The following ROBO3 variants were observed in gnomAD, a reference collection of about 807,000 sequenced individuals.
ROBO3 encodes roundabout homolog 3.
In ROBO3, 97 loss-of-function variants were observed where a neutral mutation model predicts 160.5. The ratio of observed to expected loss-of-function variants is 0.60; its 90% CI spans 0.51 to 0.72. ROBO3 has a LOEUF of 0.72. Ranked by LOEUF, ROBO3 falls within the 30% of genes least tolerant of loss-of-function variation. The probability of loss-of-function intolerance (pLI) is 0.00; values close to 1 mark genes in which losing one functional copy is unlikely to be tolerated. For missense variants in ROBO3, 1,858 were observed against 1,846.5 expected (o/e 1.01, Z -0.11); for synonymous variants, 780 against 746.2 (o/e 1.05, Z -0.74).
intron 20 of ROBO3, 97 bp from the exon 21 acceptor site, chr11:124,877,840 G>A (rs746459682): frequency 8.5e-7 from 1 of 1,169,976 alleles, no homozygotes; most frequent in Non-Finnish European, 1.2e-6. Flanking sequence ...TTGTGTGGGG[G>A]AAGAAGTTGA....
chr11:124,869,480 G>T lies in ROBO3; in HGVS notation c.518G>T (p.Gly173Val). ...VLRDDFRQSP[G>V]NVVVAVGEPA... ...CGTGATGATTTCCGGCAGTCTCCTG[G>T]AAACGTGGTGGTGGCAGTGGGGGAG... The change falls in exon 3 of 28, where the codon GGA becomes GTA. Residue 173 changes from glycine to valine, a missense_variant. Physicochemically the swap from Gly to Val is moderately radical, Grantham distance 109 (BLOSUM62 -3). Transcript: ENST00000397801. This position sits in a 1 kb window ranked among gnomAD's most constrained non-coding sequence, Gnocchi z 4.2. 6.4e-7 allele frequency: 1 copy of T among 1,554,066 alleles called. No individual in the cohort carries two copies. The highest frequency in any genetic ancestry group is 1.2e-5 in the South Asian group (1 of 84,416).
At position 124,877,583 on chromosome 11, in the gene ROBO3, C is replaced by G. The variant is rs773518044; in HGVS notation, c.2911C>G (p.Arg971Gly). ...GGCAGATTCGTGGCCCCACCCATCTCGAAGCCCCTCGGCCCAGGAACCCAG... is the reference window on the plus strand; with the variant it reads ...GGCAGATTCGTGGCCCCACCCATCTGGAAGCCCCTCGGCCCAGGAACCCAG... ...WLADSWPHPS[R>G]SPSAQEPRGS... The change falls in exon 20 of 28, where the codon CGA becomes GGA. Residue 971 changes from arginine to glycine, a missense_variant. By Grantham distance (125) the Arg-to-Gly change is moderately radical (BLOSUM62 -2). Coordinates refer to ENST00000397801, the MANE Select transcript of ROBO3 (RefSeq NM_022370.4). The G allele has an allele frequency of 4.4e-6, 7 of 1,604,978 alleles. No homozygotes were observed. In the South Asian group the frequency reaches 6.7e-5, roughly 15 times the overall value.
chr11:124,867,209 G>A (rs1052139606), intron 1 of ROBO3, among the ~76,000 whole-genome samples: 1 of 152,180 alleles, frequency 6.6e-6, no homozygotes, highest in Non-Finnish European at 1.5e-5. Flanking sequence ...ATTTGATTCA[G>A]GTAGAGACTG....
rs1382529597 is a variant in ROBO3, at chr11:124,878,731, T to A, written c.3468T>A (p.Leu1156=). ...PSYGQQSTAT[L]TPSPPDPPQP... is the part of the protein sequence containing the mutation. ...ATGGACAGCAGTCCACAGCCACTCT[T>A]ACACCCTCACCTCCTGACCCTCCCC... is the stretch of plus-strand genomic sequence containing the variant. Residue 1156 remains leucine (L), a synonymous_variant, in exon 23 of 28, where the codon CTT becomes CTA. Coordinates refer to ENST00000397801, the MANE Select transcript of ROBO3 (RefSeq NM_022370.4). This position sits in a 1 kb window ranked among gnomAD's most constrained non-coding sequence, Gnocchi z 4.3. 6.2e-7 allele frequency: 1 copy of A among 1,613,824 alleles called. No homozygotes were observed. Among genetic ancestry groups the A allele is most frequent in the Non-Finnish European group, 8.5e-7 (1 of 1,179,848 alleles).
intron 1 of ROBO3, chr11:124,868,344 G>A (rs1946229948): frequency 6.4e-6 from 2 of 314,482 alleles, no homozygotes; most frequent in South Asian, 9.8e-5. Context: ...GGACCTTGCA[G>A]AAGTCAAGAA....
chr11:124,872,345 C>T lies in ROBO3; in HGVS notation c.1159-36C>T, dbSNP rs1371215484. ...GGACCTCTCCCTGCCCAGCTGCCTG[C>T]TCATTCCCTACCCTGGTTCCTTGCT... On this transcript the variant is annotated intron_variant, in intron 7 of 27. Coordinates refer to ENST00000397801, the MANE Select transcript of ROBO3 (RefSeq NM_022370.4). The surrounding 1 kb of genome is among the most constrained non-coding windows in gnomAD (Gnocchi z 4.3). 2.5e-6 allele frequency: 4 copies of T among 1,606,434 alleles called. No individual in the cohort carries two copies. The highest frequency in any genetic ancestry group is 3.4e-6 in the Non-Finnish European group (4 of 1,173,238).
Position 124,869,093 on chromosome 11 carries a change from C to T in ROBO3, c.452C>T (p.Ala151Val), listed in dbSNP as rs1946243809. ...TGCGTGGCTCGCAACTACCTGGGGG[C>T]AGCAGCGAGCAGAAACGCCTCGCTG... ...YTCVARNYLG[A>V]AASRNASLEV... Residue 151 changes from alanine (A) to valine (V), a missense_variant, in exon 2 of 28, where the codon GCA becomes GTA. Physicochemically the swap from Ala to Val is moderately conservative, Grantham distance 64. Transcript: ENST00000397801. This position sits in a 1 kb window ranked among gnomAD's most constrained non-coding sequence, Gnocchi z 4.2. 7 of 1,580,300 alleles carry T rather than the reference C, an allele frequency of 4.4e-6. No homozygotes were observed. Among genetic ancestry groups the T allele is most frequent in the Non-Finnish European group, 6.0e-6 (7 of 1,163,138 alleles).
rs754335814 is a variant in ROBO3, at chr11:124,877,186, T to A, written c.2803+2T>A. ...CCTCTTTTGCCTACACACCGGCAGG[T>A]AAGCCATCTCTGCCCCAGTGGGGTT... is the stretch of plus-strand genomic sequence containing the variant. On this transcript the variant is annotated splice_donor_variant, in intron 18 of 27. Transcript: ENST00000397801. LOFTEE classifies it high-confidence loss of function. 1 of 1,613,942 alleles carries A rather than the reference T, an allele frequency of 6.2e-7. No homozygotes were observed. The highest frequency in any genetic ancestry group is 1.1e-5 in the South Asian group (1 of 91,084).
At chr11:124,875,857 A>T in intron 15 of ROBO3, 97 bp from the exon 16 acceptor site, 1 of 1,474,610 alleles carries the variant, frequency 6.8e-7, no homozygotes, top group Non-Finnish European at 9.3e-7. Flanking sequence ...GTTGAATTAC[A>T]TCTGTATAAG....
At position 124,868,941 on chromosome 11, in the gene ROBO3, C is replaced by T. The variant is rs750665422; in HGVS notation, c.300C>T (p.Asn100=). The T allele has an allele frequency of 3.1e-6, 5 of 1,606,564 alleles. No individual in the cohort carries two copies. In the South Asian group the frequency reaches 3.3e-5, roughly 11 times the overall value. The change falls in exon 2 of 28, where the codon AAC becomes AAT. Residue 100 remains asparagine (N), a synonymous_variant. Coordinates refer to ENST00000397801, the MANE Select transcript of ROBO3 (RefSeq NM_022370.4). ...RPRPNIEWYK[N]GARVATVRED... is the part of the protein sequence containing the mutation. ...GACCCAACATTGAGTGGTACAAGAA[C>T]GGGGCGCGTGTGGCCACTGTGCGGG...
In ROBO3 at chr11:124,873,836, C is replaced by A; in HGVS notation, c.1758C>A (p.Val586=). 6.2e-7 allele frequency: 1 copy of A among 1,613,564 alleles called. No individual in the cohort carries two copies. The highest frequency in any genetic ancestry group is 8.5e-7 in the Non-Finnish European group (1 of 1,179,668). ...CCAACCCACAAACTGGGGCTGCAGT[C>A]ACGTCTTATGTGATAGAGGCCTTCA... The part of the protein sequence containing the change: ...WKPNPQTGAA[V]TSYVIEAFSP... The change falls in exon 11 of 28, where the codon GTC becomes GTA. Residue 586 remains valine, a synonymous_variant. Coordinates refer to ENST00000397801, the MANE Select transcript of ROBO3 (RefSeq NM_022370.4). The surrounding 1 kb of genome is among the most constrained non-coding windows in gnomAD (Gnocchi z 4.5).
intron 13 of ROBO3, 65 bp downstream of exon 13, chr11:124,874,974 G>C: frequency 1.3e-6 from 2 of 1,560,580 alleles, no homozygotes; most frequent in Non-Finnish European, 1.7e-6. Flanking sequence ...GGGCCTCCAA[G>C]AGTGAGTATG....
chr11:124,876,841 G>GCCGTATC lies in ROBO3; in HGVS notation c.2780-320_2780-319insCCGTATC. 1 of 565,802 alleles carries GCCGTATC rather than the reference G, an allele frequency of 1.8e-6. No homozygotes were observed. The highest frequency in any genetic ancestry group is 3.1e-6 in the Non-Finnish European group (1 of 317,872). 35.0% of individuals were successfully genotyped at this position (565,802 alleles called of 1,614,324 possible). A position where few individuals can be genotyped will look rare whatever the true frequency, so the allele number is the denominator to read the frequency against. ...GCAGTAAATTGTGCGGCGGGGTCTG[G>GCCGTATC]ATGGAAAGGCGGGGCCCGCTGAAAG... is the stretch of plus-strand genomic sequence containing the variant. On this transcript the variant is annotated intron_variant, in intron 17 of 27. Coordinates refer to ENST00000397801, the MANE Select transcript of ROBO3 (RefSeq NM_022370.4). This position sits in a 1 kb window ranked among gnomAD's most constrained non-coding sequence, Gnocchi z 5.3.
In ROBO3 at chr11:124,878,963, A is replaced by G. The variant is rs1403443352; in HGVS notation, c.3533+167A>G. 5 of 766,892 alleles carry G rather than the reference A, an allele frequency of 6.5e-6. No individual in the cohort carries two copies. The highest frequency in any genetic ancestry group is 1.0e-5 in the Non-Finnish European group (5 of 477,558). The allele number at this position is 766,892 out of a possible 1,614,324, so 47.5% of individuals were successfully genotyped here. A position where few individuals can be genotyped will look rare whatever the true frequency, so the allele number is the denominator to read the frequency against. On this transcript the variant is annotated intron_variant, in intron 23 of 27. Transcript: ENST00000397801. The surrounding 1 kb of genome is among the most constrained non-coding windows in gnomAD (Gnocchi z 4.3). ...TTTGGGCAGGAATATGGAGGCTGAC[A>G]AGATCTCTCATGCCCATTAGACTGG...
chr11:124,871,224 G>A (rs1306565010), intron 7 of ROBO3, 86 bp downstream of exon 7: 18 of 1,455,116 alleles, frequency 1.2e-5, no homozygotes, highest in Non-Finnish European at 1.6e-5. Context: ...ACTTCTCTCT[G>A]GGGCTTCTGT....
chr11:124,869,138 A>G lies in ROBO3; in HGVS notation c.487+10A>G. On this transcript the variant is annotated intron_variant, in intron 2 of 27. Transcript: ENST00000397801. This position sits in a 1 kb window ranked among gnomAD's most constrained non-coding sequence, Gnocchi z 4.2. Reference sequence around the variant, plus strand: ...TCGCTGGAAGTGGCAGGTGAGAGTCAGTTGACCGTCAGCTGGTTGCTTCCA... The same window carrying G: ...TCGCTGGAAGTGGCAGGTGAGAGTCGGTTGACCGTCAGCTGGTTGCTTCCA... The G allele has an allele frequency of 6.5e-7, 1 of 1,534,136 alleles. No individual in the cohort carries two copies. Among genetic ancestry groups the G allele is most frequent in the Non-Finnish European group, 8.8e-7 (1 of 1,139,994 alleles).
In ROBO3 at chr11:124,872,575, C is replaced by T. The variant is rs1194312371; in HGVS notation, c.1330+23C>T. The T allele has an allele frequency of 6.2e-7, 1 of 1,602,840 alleles. No individual in the cohort carries two copies. The highest frequency in any genetic ancestry group is 1.7e-5 in the Admixed American group (1 of 59,598). ...GAGGTACGTGCCCATGGAGATAGGA[C>T]TGGATCCATGGCTTGGGAGGAAATA... On this transcript the variant is annotated intron_variant, in intron 8 of 27. Coordinates refer to ENST00000397801, the MANE Select transcript of ROBO3 (RefSeq NM_022370.4). This position sits in a 1 kb window ranked among gnomAD's most constrained non-coding sequence, Gnocchi z 4.3.
intron 1 of ROBO3, among the ~76,000 whole-genome samples, chr11:124,868,166 C>G (rs150617022): frequency 6.6e-6 from 1 of 152,314 alleles, no homozygotes; most frequent in Non-Finnish European, 1.5e-5. Flanking sequence ...TGTGACTTCA[C>G]AGGACCCTTG....
In ROBO3 at chr11:124,878,289, TCTC is replaced by T. The variant is rs145185934; in HGVS notation, c.3182-5_3182-3del. 76,769 of 1,612,530 alleles carry T rather than the reference TCTC, an allele frequency of 0.048. 2,013 individuals carry two copies. Among genetic ancestry groups the T allele is most frequent in the South Asian group, 0.058 (5,256 of 90,668 alleles). On this transcript the variant is annotated splice_region_variant and splice_polypyrimidine_tract_variant and intron_variant, in intron 21 of 27. Coordinates refer to ENST00000397801, the MANE Select transcript of ROBO3 (RefSeq NM_022370.4). This position sits in a 1 kb window ranked among gnomAD's most constrained non-coding sequence, Gnocchi z 4.3. ...TGTTCTCCGGGTGTCCCCATCCTAT[TCTC>T]CTCAGGAGCCAAGGGAGGCAAAGTG...
Sources: gnomAD v4.1 joint callset for allele counts (sites outside exome capture counted in the v4.1 genomes callset) on GRCh38, gnomAD v4.1.1 for gene constraint, Gnocchi (gnomAD v3.1) non-coding constraint, MANE v1.5 for transcripts, NCBI Gene and HGNC (gene_info 2026-07-23, HGNC 2026-07-21) for gene names.